The following LRRN2 variants were observed in gnomAD, a reference collection of about 807,000 sequenced individuals.
The protein encoded by LRRN2 is leucine rich repeat neuronal 2, also known as leucine-rich repeat neuronal protein 2.
A neutral mutation model predicts 35.7 loss-of-function variants in LRRN2; 10 were observed. That is an observed-to-expected ratio of 0.28 (90% CI 0.17 to 0.47). The LOEUF is 0.47. LRRN2 is among the 20% of genes least tolerant of loss of function. The pLI is 0.99. For synonymous variants in LRRN2, 391 were observed against 409.6 expected (o/e 0.95, Z 0.55); for missense variants, 731 against 940.3 (o/e 0.78, Z 2.91).
At chr1:204,641,066 T>TTC (rs1010759078) in intron 1 of LRRN2, among the ~76,000 whole-genome samples, 3 of 126,204 alleles carry the variant, frequency 2.4e-5, no homozygotes, top group African/African-American at 9.1e-5. Context: ...GAAGAGAGGG[T>TTC]TCTCATGCCT....
At chr1:204,671,403 T>TTGTGTGTGTGTG (rs60084787) in intron 1 of LRRN2, among the ~76,000 whole-genome samples, 15 of 122,874 alleles carry the variant, frequency 1.2e-4, no homozygotes, top group Non-Finnish European at 1.7e-4. Flanking sequence ...GTTTGTGTGT[T>TTGTGTGTGTGTG]TGTGTGTGTG....
intron 1 of LRRN2, among the ~76,000 whole-genome samples, chr1:204,651,040 C>A (rs987461609): frequency 6.6e-6 from 1 of 151,556 alleles, no homozygotes; most frequent in African/African-American, 2.4e-5. Context: ...TAGGACAAAT[C>A]TAGTCACATG....
chr1:204,675,052 C>A (rs756768342), intron 1 of LRRN2, among the ~76,000 whole-genome samples: 1 of 152,198 alleles, frequency 6.6e-6, no homozygotes, highest in African/African-American at 2.4e-5. Context: ...GGGTTGCAGT[C>A]CCGGCTCATC....
intron 1 of LRRN2, among the ~76,000 whole-genome samples, chr1:204,673,930 G>A (rs1034424612): frequency 1.3e-5 from 2 of 152,138 alleles, no homozygotes; most frequent in Admixed American, 1.3e-4. Context: ...TCTCCCCACA[G>A]GACCAAGTGA....
chr1:204,619,357 C>G lies in LRRN2; in HGVS notation c.636G>C (p.Leu212=), dbSNP rs1666666126. 1 of 1,614,254 alleles carries G rather than the reference C, an allele frequency of 6.2e-7. No homozygotes were observed. Among genetic ancestry groups the G allele is most frequent in the Admixed American group, 1.7e-5 (1 of 60,032 alleles). Residue 212 remains leucine, a synonymous_variant, in exon 2 of 2, where the codon CTG becomes CTC. Coordinates refer to ENST00000367177, the MANE Select transcript of LRRN2 (RefSeq NM_201630.2). ...CTAGCACCAGGCTACGCAGGTTGGC[C>G]AGGGGCCGGAAGTTCATGTCCAGGA... ...DAILDMNFRP[L]ANLRSLVLAG...
In LRRN2 at chr1:204,645,486, C is replaced by T. The variant is rs2102604752; in HGVS notation, c.-226-25268G>A. Reference sequence around the variant, plus strand: ...GGACATGGGTAAAAGAATGATTTCACAGTAGGGTTTAGGTCGACAAGGCAC... The same window carrying T: ...GGACATGGGTAAAAGAATGATTTCATAGTAGGGTTTAGGTCGACAAGGCAC... On this transcript the variant is annotated intron_variant, in intron 1 of 1. Transcript: ENST00000367177. Among the ~76,000 whole-genome samples, 2 of 152,258 alleles carry T rather than the reference C, an allele frequency of 1.3e-5. 1 individual carries two copies. Among genetic ancestry groups the T allele is most frequent in the African/African-American group, 4.8e-5 (2 of 41,548 alleles).
At chr1:204,634,383 C>A (rs1326378099) in intron 1 of LRRN2, among the ~76,000 whole-genome samples, 1 of 152,170 alleles carries the variant, frequency 6.6e-6, no homozygotes, top group Non-Finnish European at 1.5e-5. Context: ...AAGTCAGGGA[C>A]TGTTATGGGT....
intron 1 of LRRN2, among the ~76,000 whole-genome samples, chr1:204,679,742 C>G (rs1668904667): frequency 6.6e-6 from 1 of 152,272 alleles, no homozygotes; most frequent in Admixed American, 6.5e-5. Flanking sequence ...CATTGGTTCC[C>G]ACCATGTGTC....
At position 204,648,020 on chromosome 1, in the gene LRRN2, A is replaced by G. The variant is rs375440409; in HGVS notation, c.-226-27802T>C. Among the ~76,000 whole-genome samples, 24 of 152,310 alleles carry G rather than the reference A, an allele frequency of 1.6e-4. No individual in the cohort carries two copies. The East Asian group carries it at 2.3e-3, about 15-fold the overall frequency. On this transcript the variant is annotated intron_variant, in intron 1 of 1. Transcript: ENST00000367177. ...ATATTTCTATTGAACATACATTTCT[A>G]TATTCTGACAGACTGTGGATTAGAA...
chr1:204,642,904 G>A (rs956162108), intron 1 of LRRN2, among the ~76,000 whole-genome samples: 1 of 152,208 alleles, frequency 6.6e-6, no homozygotes, highest in African/African-American at 2.4e-5. Context: ...GGAAGGTGCA[G>A]CACCTAAGTG....
At chr1:204,637,735 G>T (rs1667869838) in intron 1 of LRRN2, among the ~76,000 whole-genome samples, 1 of 151,536 alleles carries the variant, frequency 6.6e-6, no homozygotes, top group Non-Finnish European at 1.5e-5. Context: ...GGACTCCTCT[G>T]CGGGAAGGCC....
chr1:204,634,477 A>G (rs575296751), intron 1 of LRRN2, among the ~76,000 whole-genome samples: 15 of 152,350 alleles, frequency 9.8e-5, no homozygotes, highest in Non-Finnish European at 1.8e-4. Flanking sequence ...TAGGGTCTGA[A>G]GATGTAATCA....
chr1:204,621,965 T>TA (rs1259796906), intron 1 of LRRN2: 1 of 167,112 alleles, frequency 6.0e-6, no homozygotes, highest in Middle Eastern at 3.1e-3. Flanking sequence ...GTACATGAGA[T>TA]AAGCACTAAT....
chr1:204,650,324 T>A (rs764418030), intron 1 of LRRN2, among the ~76,000 whole-genome samples: 1 of 152,140 alleles, frequency 6.6e-6, no homozygotes, highest in Non-Finnish European at 1.5e-5. Context: ...ACTGGGGAAA[T>A]TAATTGTTTG....
chr1:204,683,690 A>G (rs1669002971), intron 1 of LRRN2, among the ~76,000 whole-genome samples: 1 of 152,192 alleles, frequency 6.6e-6, no homozygotes. Context: ...TCAATCTCCC[A>G]GGCACTGAGG....
chr1:204,679,167 G>T (rs947897836), intron 1 of LRRN2, among the ~76,000 whole-genome samples: 3 of 152,194 alleles, frequency 2.0e-5, no homozygotes, highest in Non-Finnish European at 2.9e-5. Flanking sequence ...CTCGAGGCCT[G>T]AAGCTGTCTG....
rs185409408 is a variant in LRRN2 at position 204,662,660 on chromosome 1, T to C, written c.-227+22660A>G. 6.7e-3 allele frequency among the ~76,000 whole-genome samples: 1,016 copies of C among 152,360 alleles called. 32 individuals are homozygous for C. The highest frequency in any genetic ancestry group is 0.059 in the Admixed American group (899 of 15,304). On this transcript the variant is annotated intron_variant, in intron 1 of 1. Transcript: ENST00000367177. ...TGTGAGGCAGGTATAAGTTCTGTTC[T>C]ATGGATGAACAATTGGTCTTCAGGT...
At chr1:204,639,187 C>A (rs1667922137) in intron 1 of LRRN2, among the ~76,000 whole-genome samples, 1 of 152,222 alleles carries the variant, frequency 6.6e-6, no homozygotes, top group Non-Finnish European at 1.5e-5. Flanking sequence ...AGTGCCAGGT[C>A]CCCACTGAGC....
At chr1:204,665,893 C>A (rs897737611) in intron 1 of LRRN2, among the ~76,000 whole-genome samples, 1 of 152,184 alleles carries the variant, frequency 6.6e-6, no homozygotes, top group African/African-American at 2.4e-5. Context: ...CTTCCACAAG[C>A]AAAAACACCC....
Sources: gnomAD v4.1 joint callset for allele counts (sites outside exome capture counted in the v4.1 genomes callset) on GRCh38, gnomAD v4.1.1 for gene constraint, MANE v1.5 for transcripts, NCBI Gene and HGNC (gene_info 2026-07-23, HGNC 2026-07-21) for gene names.